PCDHGA10: variants seen among roughly 807,000 people sequenced by gnomAD.
PCDHGA10 encodes protocadherin gamma subfamily A, 10.
Under a neutral mutation model 59.5 loss-of-function variants are expected in PCDHGA10, and 42 were observed. The observed-to-expected ratio is 0.71, with a 90% CI of 0.55 to 0.91. The LOEUF is 0.91. Among genes scored for constraint, PCDHGA10 ranks in the 40% least tolerant of loss-of-function variants. The pLI, the probability that PCDHGA10 is intolerant of heterozygous loss-of-function variation, is 0.00. For synonymous variants in PCDHGA10, 511 were observed against 517.2 expected (o/e 0.99, Z 0.16); for missense variants, 1,111 against 1,198.2 (o/e 0.93, Z 1.07).
At chr5:141,457,524 G>A (rs1427291573) in intron 1 of PCDHGA10, among the ~76,000 whole-genome samples, 1 of 152,188 alleles carries the variant, frequency 6.6e-6, no homozygotes, top group African/African-American at 2.4e-5. Context: ...CAATTAATGA[G>A]ACTAGGGTTT....
rs141034739 is a variant in PCDHGA10 at position 141,491,100 on chromosome 5, C to T, written c.2437-3707C>T. The T allele has an allele frequency of 2.7e-4, 430 of 1,614,138 alleles. No homozygotes were observed. The African/African-American group carries it at 4.7e-3, about 18-fold the overall frequency. ...AGTCCACAGCCCCAGGACTGTTCCT[C>T]GTGTCTACACACACTGGTGAGGTGC... On this transcript the variant is annotated intron_variant, in intron 1 of 3. Transcript: ENST00000398610. The surrounding 1 kb of genome is among the most constrained non-coding windows in gnomAD (Gnocchi z 6.9).
rs2099068970 is a variant in PCDHGA10 at position 141,463,759 on chromosome 5, T to C, written c.2437-31048T>C. 2.0e-5 allele frequency among the ~76,000 whole-genome samples: 3 copies of C among 152,234 alleles called. No homozygotes were observed. The South Asian group carries it at 6.2e-4, about 32-fold the overall frequency. ...CCGCGCCCGGCCTGCTTCTCTTCTCTTATGGGTTAGAATCCTGCACTGTCT... is the reference window on the plus strand; with the variant it reads ...CCGCGCCCGGCCTGCTTCTCTTCTCCTATGGGTTAGAATCCTGCACTGTCT... On this transcript the variant is annotated intron_variant, in intron 1 of 3. Transcript: ENST00000398610.
intron 1 of PCDHGA10, chr5:141,420,931 AATC>A: frequency 2.7e-6 from 1 of 369,128 alleles, no homozygotes; most frequent in African/African-American, 2.1e-5. Context: ...AGGTGAGCGT[AATC>A]ATTTCTTCTG....
chr5:141,489,991 A>G lies in PCDHGA10; in HGVS notation c.2437-4816A>G, dbSNP rs1157441385. On this transcript the variant is annotated intron_variant, in intron 1 of 3. Coordinates refer to ENST00000398610, the MANE Select transcript of PCDHGA10 (RefSeq NM_018913.3). The surrounding 1 kb of genome is among the most constrained non-coding windows in gnomAD (Gnocchi z 4.5). Reference sequence around the variant, plus strand: ...CCAATCCTCAGTTCTACGTGTGGGAATCCCAGAGAATGCACCCATTGGTAC... The same window carrying G: ...CCAATCCTCAGTTCTACGTGTGGGAGTCCCAGAGAATGCACCCATTGGTAC... The G allele has an allele frequency of 6.2e-7, 1 of 1,614,228 alleles. No individual in the cohort carries two copies. Among genetic ancestry groups the G allele is most frequent in the South Asian group, 1.1e-5 (1 of 91,090 alleles).
At chr5:141,445,070 A>G (rs185808898) in intron 1 of PCDHGA10, among the ~76,000 whole-genome samples, 30 of 152,306 alleles carry the variant, frequency 2.0e-4, no homozygotes, top group African/African-American at 7.2e-4. Context: ...TATATTTCTC[A>G]TTAAATTGTC....
intron 1 of PCDHGA10, among the ~76,000 whole-genome samples, chr5:141,449,030 G>C (rs2098623784): frequency 6.6e-6 from 1 of 152,012 alleles, no homozygotes; most frequent in Non-Finnish European, 1.5e-5. Context: ...GCATTCCTTT[G>C]GATTATTAAC....
chr5:141,483,814 C>A (rs1262593892), intron 1 of PCDHGA10, among the ~76,000 whole-genome samples: 4 of 151,994 alleles, frequency 2.6e-5, no homozygotes, highest in African/African-American at 9.7e-5. Flanking sequence ...TTTTTGGCAG[C>A]CAGTGTAACC....
chr5:141,421,379 A>G, intron 1 of PCDHGA10: 1 of 1,614,054 alleles, frequency 6.2e-7, no homozygotes, highest in Non-Finnish European at 8.5e-7. Flanking sequence ...AATATCTCCA[A>G]GGACCTGGGG....
intron 1 of PCDHGA10, among the ~76,000 whole-genome samples, chr5:141,436,150 T>A (rs1270913305): frequency 6.6e-6 from 1 of 152,182 alleles, no homozygotes; most frequent in African/African-American, 2.4e-5. Flanking sequence ...ACTACCAAAA[T>A]GTTTATCATA....
In PCDHGA10 at chr5:141,491,257, G is replaced by A. The variant is rs754721047; in HGVS notation, c.2437-3550G>A. 2 of 1,614,170 alleles carry A rather than the reference G, an allele frequency of 1.2e-6. No individual in the cohort carries two copies. The highest frequency in any genetic ancestry group is 3.3e-5 in the Admixed American group (2 of 60,020). On this transcript the variant is annotated intron_variant, in intron 1 of 3. Coordinates refer to ENST00000398610, the MANE Select transcript of PCDHGA10 (RefSeq NM_018913.3). This position sits in a 1 kb window ranked among gnomAD's most constrained non-coding sequence, Gnocchi z 6.9. ...GGTTCTGGAGGATGAGGACCCTGAG[G>A]AAATGCCCAAATCCAGTGACTTCCT... is the stretch of plus-strand genomic sequence containing the variant.
At position 141,431,203 on chromosome 5, in the gene PCDHGA10, T is replaced by C. The variant is rs139061906; in HGVS notation, c.2436+15592T>C. On this transcript the variant is annotated intron_variant, in intron 1 of 3. Coordinates refer to ENST00000398610, the MANE Select transcript of PCDHGA10 (RefSeq NM_018913.3). This position sits in a 1 kb window ranked among gnomAD's most constrained non-coding sequence, Gnocchi z 4.8. ...TAAAAATTAGTGAAAATGCAGCCACTGAGATGCGGTTCCCTCTACCCCACG... is the reference window on the plus strand; with the variant it reads ...TAAAAATTAGTGAAAATGCAGCCACCGAGATGCGGTTCCCTCTACCCCACG... The C allele has an allele frequency of 3.1e-6, 5 of 1,614,116 alleles. No individual in the cohort carries two copies. The highest frequency in any genetic ancestry group is 1.1e-5 in the South Asian group (1 of 91,090).
At position 141,486,714 on chromosome 5, in the gene PCDHGA10, CAG is replaced by C; in HGVS notation, c.2437-8092_2437-8091del. ...TCTTTCATCTCTCTGAACCCCCAGA[CAG>C]GAGCTGTTCATGCTACTCGATCCTT... On this transcript the variant is annotated intron_variant, in intron 1 of 3. Coordinates refer to ENST00000398610, the MANE Select transcript of PCDHGA10 (RefSeq NM_018913.3). This position sits in a 1 kb window ranked among gnomAD's most constrained non-coding sequence, Gnocchi z 5.0. 1 of 1,614,216 alleles carries C rather than the reference CAG, an allele frequency of 6.2e-7. No homozygotes were observed. Among genetic ancestry groups the C allele is most frequent in the Non-Finnish European group, 8.5e-7 (1 of 1,180,034 alleles).
In PCDHGA10 at chr5:141,418,814, A is replaced by G. The variant is rs2096290321; in HGVS notation, c.2436+3203A>G. ...AGAAGTAGAAAGATATACGATAAACATAGAAGCAAAAGACCGAGGATCTCT... is the reference window on the plus strand; with the variant it reads ...AGAAGTAGAAAGATATACGATAAACGTAGAAGCAAAAGACCGAGGATCTCT... On this transcript the variant is annotated intron_variant, in intron 1 of 3. Transcript: ENST00000398610. The G allele has an allele frequency of 6.2e-7, 1 of 1,613,962 alleles. No individual in the cohort carries two copies.
At chr5:141,422,929 C>A (rs752323344) in intron 1 of PCDHGA10, 8 of 1,614,260 alleles carry the variant, frequency 5.0e-6, no homozygotes, top group Middle Eastern at 3.3e-4. Flanking sequence ...GTACCCTGCC[C>A]TCCCCACAGA....
intron 1 of PCDHGA10, among the ~76,000 whole-genome samples, chr5:141,456,733 G>A (rs1186997201): frequency 6.6e-6 from 1 of 152,182 alleles, no homozygotes; most frequent in Non-Finnish European, 1.5e-5. Context: ...GGGAGGCTGA[G>A]GCGGGAGCAT....
intron 1 of PCDHGA10, among the ~76,000 whole-genome samples, chr5:141,425,402 A>C (rs1288785443): frequency 6.6e-6 from 1 of 152,222 alleles, no homozygotes; most frequent in Non-Finnish European, 1.5e-5. Flanking sequence ...AAGTTCTGTT[A>C]AGGTATAACA....
At position 141,432,554 on chromosome 5, in the gene PCDHGA10, G is replaced by A. The variant is rs757821109; in HGVS notation, c.2436+16943G>A. The A allele has an allele frequency of 9.3e-6, 15 of 1,613,832 alleles. No homozygotes were observed. Among genetic ancestry groups the A allele is most frequent in the Non-Finnish European group, 1.3e-5 (15 of 1,180,006 alleles). On this transcript the variant is annotated intron_variant, in intron 1 of 3. Coordinates refer to ENST00000398610, the MANE Select transcript of PCDHGA10 (RefSeq NM_018913.3). The surrounding 1 kb of genome is among the most constrained non-coding windows in gnomAD (Gnocchi z 6.0). ...GGTGGTGGCGGTGGACAGAGACTCCGGCCAGAACGCCTGGCTGTCCTACCG... is the reference window on the plus strand; with the variant it reads ...GGTGGTGGCGGTGGACAGAGACTCCAGCCAGAACGCCTGGCTGTCCTACCG...
intron 1 of PCDHGA10, among the ~76,000 whole-genome samples, chr5:141,467,304 C>T (rs567912553): frequency 2.0e-5 from 3 of 152,266 alleles, no homozygotes; most frequent in Admixed American, 6.5e-5. Flanking sequence ...CCACTCACCT[C>T]GGCCTCCCAC....
chr5:141,511,129 G>A lies in PCDHGA10; in HGVS notation c.2767G>A (p.Gly923Ser). ...GCGGGATGGCAAGGCCCCAGCAGGT[G>A]GCAATGGCAACAAGAAGAAGTCGGG... ...GKRDGKAPAGGNGNKKKSGKK... is the reference protein window; with the variant it reads ...GKRDGKAPAGSNGNKKKSGKK... Residue 923 changes from glycine to serine, a missense_variant, in exon 4 of 4, where the codon GGC becomes AGC. By Grantham distance (56) the Gly-to-Ser change is moderately conservative. Coordinates refer to ENST00000398610, the MANE Select transcript of PCDHGA10 (RefSeq NM_018913.3). 1 of 1,614,204 alleles carries A rather than the reference G, an allele frequency of 6.2e-7. No individual in the cohort carries two copies. Among genetic ancestry groups the A allele is most frequent in the Non-Finnish European group, 8.5e-7 (1 of 1,180,014 alleles).
Sources: gnomAD v4.1 joint callset for allele counts (sites outside exome capture counted in the v4.1 genomes callset) on GRCh38, gnomAD v4.1.1 for gene constraint, Gnocchi (gnomAD v3.1) non-coding constraint, MANE v1.5 for transcripts, NCBI Gene and HGNC (gene_info 2026-07-23, HGNC 2026-07-21) for gene names.